Variants in STT3B observed in about 807,000 individuals in gnomAD.
STT3B encodes STT3 oligosaccharyltransferase complex catalytic subunit B, also known as dolichyl-diphosphooligosaccharide--protein glycosyltransferase subunit STT3B.
In STT3B, 29 loss-of-function variants were observed where a neutral mutation model predicts 96.8. The observed-to-expected ratio is 0.30, with a 90% CI of 0.22 to 0.41. STT3B has a LOEUF of 0.41. STT3B is among the 10% of genes least tolerant of loss of function. STT3B has a pLI of 1.00. For synonymous variants in STT3B, 367 were observed against 360.0 expected (o/e 1.02, Z -0.22); for missense variants, 640 against 1,022.3 (o/e 0.63, Z 5.10).
intron 14 of STT3B, 24 bp downstream of exon 14, chr3:31,629,435 A>G (rs1699605880): frequency 7.8e-7 from 1 of 1,284,444 alleles, no homozygotes; most frequent in Non-Finnish European, 1.1e-6. Context: ...ATTTTTCTCT[A>G]ATTTTCATTC....
At chr3:31,567,695 T>C (rs751645676) in intron 1 of STT3B, among the ~76,000 whole-genome samples, 2 of 152,204 alleles carry the variant, frequency 1.3e-5, no homozygotes, top group Non-Finnish European at 2.9e-5. Context: ...GGCTGAGATA[T>C]AATTTTTAAT....
chr3:31,541,627 A>G (rs2125435140), intron 1 of STT3B, among the ~76,000 whole-genome samples: 1 of 151,856 alleles, frequency 6.6e-6, no homozygotes, highest in Middle Eastern at 3.4e-3. Context: ...CCCGGGCTGG[A>G]TTGCAGTGGC....
At chr3:31,547,623 A>T (rs776725412) in intron 1 of STT3B, among the ~76,000 whole-genome samples, 22 of 152,238 alleles carry the variant, frequency 1.4e-4, no homozygotes, top group Admixed American at 3.3e-4. Context: ...TCCAACCTGC[A>T]TGACAGAACG....
chr3:31,610,960 G>A (rs1699167589), intron 5 of STT3B, among the ~76,000 whole-genome samples: 1 of 152,190 alleles, frequency 6.6e-6, no homozygotes, highest in Admixed American at 6.5e-5. Flanking sequence ...TTGGTATCAT[G>A]TATTTCCTTA....
At chr3:31,620,501 G>A (rs576791748) in intron 9 of STT3B, among the ~76,000 whole-genome samples, 1 of 152,112 alleles carries the variant, frequency 6.6e-6, no homozygotes, top group Admixed American at 6.5e-5. Flanking sequence ...AGATTTCAGA[G>A]CAAAGACCAT....
chr3:31,551,569 TTGG>T (rs1301664859), intron 1 of STT3B, among the ~76,000 whole-genome samples: 1 of 152,190 alleles, frequency 6.6e-6, no homozygotes, highest in East Asian at 1.9e-4. Context: ...GTCATTTCTG[TTGG>T]TGGTACTAGT....
At chr3:31,621,537 T>TA (rs1699429700) in intron 9 of STT3B, among the ~76,000 whole-genome samples, 2 of 152,174 alleles carry the variant, frequency 1.3e-5, no homozygotes, top group Admixed American at 6.6e-5. Context: ...CAGAAATAGT[T>TA]AGAGTCTTTT....
intron 1 of STT3B, among the ~76,000 whole-genome samples, chr3:31,558,863 G>GT (rs200229146): frequency 0.014 from 1,980 of 144,008 alleles, 38 homozygotes; most frequent in African/African-American, 0.045. Flanking sequence ...GTCTGTTCAG[G>GT]TTTTTTTTTT....
At chr3:31,595,701 G>A (rs1359850487) in intron 3 of STT3B, among the ~76,000 whole-genome samples, 3 of 152,122 alleles carry the variant, frequency 2.0e-5, no homozygotes, top group African/African-American at 7.2e-5. Context: ...TTGCTTTTCA[G>A]TTTACTTCCT....
intron 1 of STT3B, among the ~76,000 whole-genome samples, chr3:31,550,294 TC>T (rs1337357597): frequency 6.6e-6 from 1 of 152,234 alleles, no homozygotes; most frequent in Non-Finnish European, 1.5e-5. Flanking sequence ...GCAGAGTAGC[TC>T]TAAGGAGTCT....
intron 1 of STT3B, among the ~76,000 whole-genome samples, chr3:31,543,430 A>G (rs997919907): frequency 4.6e-5 from 7 of 152,218 alleles, no homozygotes; most frequent in East Asian, 1.9e-4. Context: ...ACATTTTTCT[A>G]ATCTTTCTAG....
chr3:31,555,158 A>G (rs899012093), intron 1 of STT3B, among the ~76,000 whole-genome samples: 1 of 152,128 alleles, frequency 6.6e-6, no homozygotes, highest in South Asian at 2.1e-4. Context: ...TATAGTACCA[A>G]TTTTGTGGGG....
chr3:31,575,278 CT>C (rs1007061276), intron 1 of STT3B, among the ~76,000 whole-genome samples: 7 of 152,070 alleles, frequency 4.6e-5, no homozygotes, highest in Non-Finnish European at 1.0e-4. Context: ...CTCTCAACCT[CT>C]AGGTTATACT....
chr3:31,591,639 G>A (rs1698664919), intron 3 of STT3B, among the ~76,000 whole-genome samples: 2 of 152,036 alleles, frequency 1.3e-5, no homozygotes, highest in African/African-American at 4.8e-5. Context: ...CTCCAACACA[G>A]CCTTATTTTT....
chr3:31,537,576 T>A (rs1295189855), intron 1 of STT3B, among the ~76,000 whole-genome samples: 2 of 152,202 alleles, frequency 1.3e-5, no homozygotes, highest in Non-Finnish European at 2.9e-5. Context: ...GGCCCTACGG[T>A]AGTTAGGGTC....
rs1469887743 is a variant in STT3B at position 31,546,698 on chromosome 3, C to A, written c.314+13386C>A. 2.0e-5 allele frequency among the ~76,000 whole-genome samples: 3 copies of A among 152,160 alleles called. No individual in the cohort carries two copies. In the East Asian group the frequency reaches 5.8e-4, roughly 29 times the overall value. On this transcript the variant is annotated intron_variant, in intron 1 of 15. Coordinates refer to ENST00000295770, the MANE Select transcript of STT3B (RefSeq NM_178862.3). ...CCGTAAAATATCTGTTCATGTCTCT[C>A]CCAAAGTTTTAGACTGGGTTGTTTA... is the stretch of plus-strand genomic sequence containing the variant.
intron 1 of STT3B, among the ~76,000 whole-genome samples, chr3:31,555,678 A>T (rs1697688166): frequency 6.6e-6 from 1 of 151,996 alleles, no homozygotes; most frequent in Non-Finnish European, 1.5e-5. Context: ...TTGTTTTATT[A>T]TGTATTTTTG....
intron 1 of STT3B, among the ~76,000 whole-genome samples, chr3:31,568,921 G>A (rs1344945902): frequency 1.3e-5 from 2 of 152,142 alleles, no homozygotes; most frequent in African/African-American, 2.4e-5. Context: ...GTTTGTTTAT[G>A]TAAGGAAATA....
At chr3:31,552,776 T>G (rs1275557192) in intron 1 of STT3B, among the ~76,000 whole-genome samples, 4 of 152,158 alleles carry the variant, frequency 2.6e-5, no homozygotes, top group Non-Finnish European at 5.9e-5. Flanking sequence ...GCTAGTATCT[T>G]TAGCACCCAG....
Sources: gnomAD v4.1 joint callset for allele counts (sites outside exome capture counted in the v4.1 genomes callset) on GRCh38, gnomAD v4.1.1 for gene constraint, MANE v1.5 for transcripts, NCBI Gene and HGNC (gene_info 2026-07-23, HGNC 2026-07-21) for gene names.